CTNNA3: variants seen among roughly 807,000 people sequenced by gnomAD.
CTNNA3 encodes the protein catenin alpha-3.
A neutral mutation model predicts 95.7 loss-of-function variants in CTNNA3; 76 were observed. The ratio of observed to expected loss-of-function variants is 0.79; its 90% CI spans 0.66 to 0.96. The LOEUF is 0.96. Among genes scored for constraint, CTNNA3 ranks in the 40% least tolerant of loss-of-function variants. CTNNA3 has a pLI of 0.00. For synonymous variants in CTNNA3, 431 were observed against 374.4 expected (o/e 1.15, Z -1.74); for missense variants, 1,191 against 1,089.8 (o/e 1.09, Z -1.31).
At chr10:67,215,632 G>C (rs1864323930) in intron 6 of CTNNA3, among the ~76,000 whole-genome samples, 1 of 152,138 alleles carries the variant, frequency 6.6e-6, no homozygotes, top group South Asian at 2.1e-4. Flanking sequence ...TTCCAACATG[G>C]ATTCTGTTCC....
chr10:66,150,975 G>A (rs2084169659), intron 13 of CTNNA3, among the ~76,000 whole-genome samples: 1 of 151,914 alleles, frequency 6.6e-6, no homozygotes, highest in African/African-American at 2.4e-5. Flanking sequence ...TCCATTATTA[G>A]GTCCTTGTCT....
rs116720598 is a variant in CTNNA3 at position 67,134,082 on chromosome 10, A to G, written c.1047+46235T>C. 6.4e-3 allele frequency among the ~76,000 whole-genome samples: 968 copies of G among 152,186 alleles called. 11 individuals carry two copies. The highest frequency in any genetic ancestry group is 0.022 in the African/African-American group (908 of 41,534). On this transcript the variant is annotated intron_variant, in intron 7 of 17. Transcript: ENST00000433211. ...AGTCAGTAGCCGAACTGGGATATAA[A>G]CTCTAGCCTGTGTAATTCCAAAGCA...
intron 3 of CTNNA3, among the ~76,000 whole-genome samples, chr10:67,567,716 A>G (rs114137639): frequency 0.01 from 1,547 of 152,114 alleles, 34 homozygotes; most frequent in African/African-American, 0.035. Context: ...CTTCATGTTC[A>G]TGTATGTTTA....
chr10:66,459,941 T>C (rs2093517725), intron 11 of CTNNA3, among the ~76,000 whole-genome samples: 1 of 151,512 alleles, frequency 6.6e-6, no homozygotes, highest in Non-Finnish European at 1.5e-5. Flanking sequence ...AAAATTTTGG[T>C]TCTTTATTTT....
intron 7 of CTNNA3, among the ~76,000 whole-genome samples, chr10:66,999,008 A>C (rs774228523): frequency 1.3e-5 from 2 of 152,174 alleles, no homozygotes; most frequent in Non-Finnish European, 2.9e-5. Flanking sequence ...TGCATATAAG[A>C]CAATTAAATT....
chr10:66,445,040 C>A (rs1440066659), intron 11 of CTNNA3, among the ~76,000 whole-genome samples: 2 of 152,000 alleles, frequency 1.3e-5, no homozygotes, highest in Non-Finnish European at 2.9e-5. Context: ...TCTGATAAAA[C>A]AGACTAAACC....
intron 7 of CTNNA3, among the ~76,000 whole-genome samples, chr10:67,077,941 T>G (rs1856819094): frequency 6.6e-6 from 1 of 152,204 alleles, no homozygotes; most frequent in African/African-American, 2.4e-5. Context: ...AGAATATAAG[T>G]GATTTACAAC....
intron 7 of CTNNA3, among the ~76,000 whole-genome samples, chr10:66,781,445 G>A (rs1840532506): frequency 6.6e-6 from 1 of 152,108 alleles, no homozygotes; most frequent in South Asian, 2.1e-4. Flanking sequence ...AAACAGACAA[G>A]TATAAGAAAG....
At chr10:67,298,974 G>A (rs374895940) in intron 5 of CTNNA3, among the ~76,000 whole-genome samples, 4 of 151,946 alleles carry the variant, frequency 2.6e-5, no homozygotes, top group Admixed American at 2.6e-4. Flanking sequence ...AGGCTGGAGT[G>A]CAGTAGTGCG....
At chr10:67,638,726 C>T (rs1350460723) in intron 2 of CTNNA3, among the ~76,000 whole-genome samples, 3 of 152,180 alleles carry the variant, frequency 2.0e-5, no homozygotes, top group Non-Finnish European at 4.4e-5. Context: ...CACTCAACTA[C>T]ATGGAAACTG....
At chr10:66,517,064 T>G (rs1840886563) in intron 11 of CTNNA3, among the ~76,000 whole-genome samples, 1 of 151,696 alleles carries the variant, frequency 6.6e-6, no homozygotes, top group African/African-American at 2.4e-5. Context: ...CTACTAAAAA[T>G]CAAAAAAATT....
At chr10:67,346,027 G>A (rs895759953) in intron 5 of CTNNA3, among the ~76,000 whole-genome samples, 7 of 151,956 alleles carry the variant, frequency 4.6e-5, no homozygotes, top group African/African-American at 1.7e-4. Context: ...CTTCCATGAG[G>A]CTTGCAAATA....
intron 7 of CTNNA3, among the ~76,000 whole-genome samples, chr10:66,908,682 T>A (rs982764456): frequency 9.9e-5 from 15 of 152,140 alleles, no homozygotes; most frequent in African/African-American, 2.4e-4. Flanking sequence ...TTGTTTTTTT[T>A]TAAAAAAATT....
At chr10:66,404,073 C>T (rs1377971085) in intron 11 of CTNNA3, among the ~76,000 whole-genome samples, 1 of 151,980 alleles carries the variant, frequency 6.6e-6, no homozygotes, top group African/African-American at 2.4e-5. Context: ...TACTGTAGAA[C>T]CTCAGATTTT....
At chr10:66,776,103 T>G (rs1327262153) in intron 7 of CTNNA3, among the ~76,000 whole-genome samples, 3 of 152,210 alleles carry the variant, frequency 2.0e-5, no homozygotes, top group Admixed American at 2.0e-4. Context: ...GCAACACCTT[T>G]TTATTCTTTG....
intron 7 of CTNNA3, among the ~76,000 whole-genome samples, chr10:66,882,064 A>G (rs767354842): frequency 3.3e-4 from 50 of 152,096 alleles, no homozygotes; most frequent in Non-Finnish European, 5.3e-4. Flanking sequence ...ATTTTCCAAG[A>G]GGACACCTAC....
At chr10:67,031,704 C>A (rs1255023647) in intron 7 of CTNNA3, among the ~76,000 whole-genome samples, 1 of 152,088 alleles carries the variant, frequency 6.6e-6, no homozygotes, top group Non-Finnish European at 1.5e-5. Flanking sequence ...TTTGAGTAGA[C>A]TAGGACCTTA....
intron 13 of CTNNA3, among the ~76,000 whole-genome samples, chr10:66,240,893 A>G (rs143886111): frequency 7.9e-4 from 120 of 152,234 alleles, no homozygotes; most frequent in South Asian, 7.0e-3. Context: ...AAATTTGTCA[A>G]TGCTGTGATT....
At chr10:66,535,320 G>A (rs991939686) in intron 10 of CTNNA3, among the ~76,000 whole-genome samples, 10 of 152,100 alleles carry the variant, frequency 6.6e-5, no homozygotes, top group Non-Finnish European at 1.2e-4. Context: ...TTTGTTCAGG[G>A]CAGGTTGAGC....
Sources: gnomAD v4.1 joint callset for allele counts (sites outside exome capture counted in the v4.1 genomes callset) on GRCh38, gnomAD v4.1.1 for gene constraint, MANE v1.5 for transcripts, NCBI Gene and HGNC (gene_info 2026-07-23, HGNC 2026-07-21) for gene names.